The following SYDE1 variants were observed in gnomAD, a reference collection of about 807,000 sequenced individuals.
SYDE1 encodes the protein synapse defective Rho GTPase activating protein 1.
SYDE1 carries 34 observed loss-of-function variants against 63.3 expected under a neutral mutation model. That is an observed-to-expected ratio of 0.54 (90% CI 0.41 to 0.71). The LOEUF (loss-of-function observed/expected upper bound fraction) is 0.71. SYDE1 is among the 30% of genes least tolerant of loss of function. The pLI is 0.00. For missense variants in SYDE1, 925 were observed against 1,042.5 expected, an observed-to-expected ratio of 0.89 and a Z score of 1.55; for synonymous variants, 467 against 473.4, an observed-to-expected ratio of 0.99 and a Z score of 0.18.
At chr19:15,107,568 C>T (rs1248553407) in intron 1 of SYDE1, 47 bp downstream of exon 1, 1 of 1,451,876 alleles carries the variant, frequency 6.9e-7, no homozygotes. Flanking sequence ...CCCCACCCGG[C>T]CTGGGAGCGG....
At position 15,109,102 on chromosome 19, in the gene SYDE1, C is replaced by G. The variant is rs533657977; in HGVS notation, c.135C>G (p.Pro45=). Residue 45 remains proline, a synonymous_variant, in exon 2 of 8, where the codon CCC becomes CCG. Coordinates refer to ENST00000342784, the MANE Select transcript of SYDE1 (RefSeq NM_033025.6). This position sits in a 1 kb window ranked among gnomAD's most constrained non-coding sequence, Gnocchi z 5.0. ...RPEPSPPEPE[P]QAPEGSQAGA... Reference sequence around the variant, plus strand: ...AGCCCAGCCCTCCAGAGCCAGAGCCCCAGGCTCCCGAAGGGTCCCAGGCCG... The same window carrying G: ...AGCCCAGCCCTCCAGAGCCAGAGCCGCAGGCTCCCGAAGGGTCCCAGGCCG... 3.2e-6 allele frequency: 5 copies of G among 1,539,010 alleles called. No individual in the cohort carries two copies. Among genetic ancestry groups the G allele is most frequent in the Non-Finnish European group, 1.7e-6 (2 of 1,143,274 alleles).
Position 15,109,874 on chromosome 19 carries a change from A to G in SYDE1, c.601A>G (p.Ile201Val). 2 of 1,521,442 alleles carry G rather than the reference A, an allele frequency of 1.3e-6. No individual in the cohort carries two copies. The highest frequency in any genetic ancestry group is 1.4e-5 in the African/African-American group (1 of 72,058). 94.2% of individuals were successfully genotyped at this position (1,521,442 alleles called of 1,614,324 possible). Residue 201 changes from isoleucine to valine, a missense_variant, in exon 3 of 8, where the codon ATC becomes GTC. Physicochemically the swap from Ile to Val is conservative, Grantham distance 29 (BLOSUM62 3). Around this residue, in one of 3 missense-constraint regions of SYDE1, gnomAD observed 599 missense variants for 653.7 expected, o/e 0.92. Transcript: ENST00000342784. This position sits in a 1 kb window ranked among gnomAD's most constrained non-coding sequence, Gnocchi z 5.0. ...RERAAPAGSV[I>V]SRYHLDSSVG... Reference sequence around the variant, plus strand: ...GAGGGCTGCCCCTGCGGGCTCCGTCATCAGCCGCTACCACCTGGACAGCAG... The same window carrying G: ...GAGGGCTGCCCCTGCGGGCTCCGTCGTCAGCCGCTACCACCTGGACAGCAG...
chr19:15,113,600 C>T lies in SYDE1; in HGVS notation c.1845C>T (p.Tyr615=). 6.3e-7 allele frequency: 1 copy of T among 1,593,412 alleles called. No individual in the cohort carries two copies. The highest frequency in any genetic ancestry group is 8.6e-7 in the Non-Finnish European group (1 of 1,168,578). ...GACAATCTCCAGATGTCGCGCCTTACTTGCGACCCAAACGACAGCCACCTC... is the reference window on the plus strand; with the variant it reads ...GACAATCTCCAGATGTCGCGCCTTATTTGCGACCCAAACGACAGCCACCTC... ...LPRQSPDVAP[Y]LRPKRQPPLH... is the part of the protein sequence containing the mutation. Residue 615 remains tyrosine, a synonymous_variant, in exon 8 of 8, where the codon TAC becomes TAT. Coordinates refer to ENST00000342784, the MANE Select transcript of SYDE1 (RefSeq NM_033025.6).
rs2046368305 is a variant in SYDE1, at chr19:15,114,311, C to A, written c.*348C>A. 2 of 299,878 alleles carry A rather than the reference C, an allele frequency of 6.7e-6. No individual in the cohort carries two copies. 18.6% of individuals were successfully genotyped at this position (299,878 alleles called of 1,614,324 possible). On this transcript the variant is annotated 3_prime_UTR_variant, in exon 8 of 8. Transcript: ENST00000342784. ...CCCTTGGCCGGGGCAACACCAGTTACTGTGAGCATCACCCTGGTGTGGTGA... is the reference window on the plus strand; with the variant it reads ...CCCTTGGCCGGGGCAACACCAGTTAATGTGAGCATCACCCTGGTGTGGTGA...
rs1486804729 is a variant in SYDE1 at position 15,109,764 on chromosome 19, G to A, written c.491G>A (p.Arg164Lys). 6.5e-7 allele frequency: 1 copy of A among 1,538,636 alleles called. No individual in the cohort carries two copies. The change falls in exon 3 of 8, where the codon AGG becomes AAG. Residue 164 changes from arginine (R) to lysine (K), a missense_variant. Arg to Lys is a conservative substitution (Grantham distance 26, BLOSUM62 2). This residue lies in a region of SYDE1 where 599 missense variants were observed against 653.7 expected (regional missense o/e 0.92). Transcript: ENST00000342784. This position sits in a 1 kb window ranked among gnomAD's most constrained non-coding sequence, Gnocchi z 5.0. ...ASRTKSPGPA[R>K]RLSIKMKKLP... ...CGCACCAAGTCCCCGGGCCCCGCCA[G>A]GCGCCTCTCCATAAAGATGAAGAAG...
At position 15,110,721 on chromosome 19, in the gene SYDE1, C is replaced by T. The variant is rs778013688; in HGVS notation, c.1276C>T (p.Arg426Cys). ...CCAGAAGTGCGTTGGGCAGATCGAGCGCCGAGGGCTGCGGGTGAGCACCCA... is the reference window on the plus strand; with the variant it reads ...CCAGAAGTGCGTTGGGCAGATCGAGTGCCGAGGGCTGCGGGTGAGCACCCA... ...IIQKCVGQIE[R>C]RGLRVVGLYR... Residue 426 changes from arginine (R) to cysteine (C), a missense_variant, in exon 4 of 8, where the codon CGC becomes TGC. Physicochemically the swap from Arg to Cys is radical, Grantham distance 180. Transcript: ENST00000342784. The surrounding 1 kb of genome is among the most constrained non-coding windows in gnomAD (Gnocchi z 6.9). The T allele has an allele frequency of 1.4e-5, 22 of 1,559,682 alleles. No homozygotes were observed. The highest frequency in any genetic ancestry group is 4.1e-5 in the African/African-American group (3 of 73,744).
At position 15,108,366 on chromosome 19, in the gene SYDE1, C is replaced by T. The variant is rs1402205517; in HGVS notation, c.89-690C>T. Among the ~76,000 whole-genome samples, 1 of 152,078 alleles carries T rather than the reference C, an allele frequency of 6.6e-6. No individual in the cohort carries two copies. Among genetic ancestry groups the T allele is most frequent in the Non-Finnish European group, 1.5e-5 (1 of 68,030 alleles). ...AGAGATGCCCAAACACAAACACACA[C>T]AGGAAACAGCCCAGGACATGAGACA... is the stretch of plus-strand genomic sequence containing the variant. On this transcript the variant is annotated intron_variant, in intron 1 of 7. Coordinates refer to ENST00000342784, the MANE Select transcript of SYDE1 (RefSeq NM_033025.6). The surrounding 1 kb of genome is among the most constrained non-coding windows in gnomAD (Gnocchi z 4.3).
chr19:15,110,183 G>A lies in SYDE1; in HGVS notation c.910G>A (p.Gly304Arg). Residue 304 changes from glycine to arginine, a missense_variant, in exon 3 of 8, where the codon GGG becomes AGG. This residue lies in a region of SYDE1 where 599 missense variants were observed against 653.7 expected (regional missense o/e 0.92). Transcript: ENST00000342784. This position sits in a 1 kb window ranked among gnomAD's most constrained non-coding sequence, Gnocchi z 6.9. ...GGATGGGGAGGCCAGGGCCCGAACAGGGCCACTGCGAGGGGGGCCGGACTT... is the reference window on the plus strand; with the variant it reads ...GGATGGGGAGGCCAGGGCCCGAACAAGGCCACTGCGAGGGGGGCCGGACTT... Reference protein sequence around the residue: ...QVDGEARARTGPLRGGPDFLR... With the variant: ...QVDGEARARTRPLRGGPDFLR... The A allele has an allele frequency of 7.1e-7, 1 of 1,414,180 alleles. No individual in the cohort carries two copies. Among genetic ancestry groups the A allele is most frequent in the Non-Finnish European group, 9.2e-7 (1 of 1,087,464 alleles). The allele number at this position is 1,414,180 out of a possible 1,614,324, so 87.6% of individuals were successfully genotyped here. A position where few individuals can be genotyped will look rare whatever the true frequency, so the allele number is the denominator to read the frequency against.
Position 15,113,573 on chromosome 19 carries a change from C to T in SYDE1, c.1818C>T (p.Pro606=). The T allele has an allele frequency of 6.4e-7, 1 of 1,560,454 alleles. No homozygotes were observed. The highest frequency in any genetic ancestry group is 8.7e-7 in the Non-Finnish European group (1 of 1,152,082). Residue 606 remains proline (P), a synonymous_variant, in exon 8 of 8, where the codon CCC becomes CCT. Coordinates refer to ENST00000342784, the MANE Select transcript of SYDE1 (RefSeq NM_033025.6). Reference sequence around the variant, plus strand: ...GTCTCCCTTCAGATCCCCGCCTGCCCCGACAATCTCCAGATGTCGCGCCTT... The same window carrying T: ...GTCTCCCTTCAGATCCCCGCCTGCCTCGACAATCTCCAGATGTCGCGCCTT... ...LLQSWPDPRL[P]RQSPDVAPYL...
At chr19:15,112,270 C>A in intron 6 of SYDE1, 76 bp from the exon 7 acceptor site, 1 of 970,752 alleles carries the variant, frequency 1.0e-6, no homozygotes, top group Non-Finnish European at 1.6e-6. Context: ...CCTACTCTAG[C>A]CACCTTAGTC....
Position 15,111,571 on chromosome 19 carries a change from G to T in SYDE1, c.1418-61G>T. Reference sequence around the variant, plus strand: ...ACCCACCTCCTCTTCCCCCTTAGCTGTGCCCTCCTTAGCCTTAGAAGCCAG... The same window carrying T: ...ACCCACCTCCTCTTCCCCCTTAGCTTTGCCCTCCTTAGCCTTAGAAGCCAG... On this transcript the variant is annotated intron_variant, in intron 5 of 7. Transcript: ENST00000342784. The surrounding 1 kb of genome is among the most constrained non-coding windows in gnomAD (Gnocchi z 5.5). 1 of 1,606,888 alleles carries T rather than the reference G, an allele frequency of 6.2e-7. No individual in the cohort carries two copies. Among genetic ancestry groups the T allele is most frequent in the South Asian group, 1.1e-5 (1 of 90,332 alleles).
Position 15,110,167 on chromosome 19 carries a change from G to A in SYDE1, c.894G>A (p.Glu298=). 5.0e-6 allele frequency: 7 copies of A among 1,407,966 alleles called. No individual in the cohort carries two copies. The highest frequency in any genetic ancestry group is 6.5e-6 in the Non-Finnish European group (7 of 1,085,218). The allele number at this position is 1,407,966 out of a possible 1,614,324, so 87.2% of individuals were successfully genotyped here. The change falls in exon 3 of 8, where the codon GAG becomes GAA. Residue 298 remains glutamate, a synonymous_variant. Transcript: ENST00000342784. The surrounding 1 kb of genome is among the most constrained non-coding windows in gnomAD (Gnocchi z 6.9). ...GCTGCCTACTGCAAGTGGATGGGGA[G>A]GCCAGGGCCCGAACAGGGCCACTGC... is the stretch of plus-strand genomic sequence containing the variant. ...DLCCLLQVDG[E]ARARTGPLRG...
In SYDE1 at chr19:15,111,177, T is replaced by C. The variant is rs565083020; in HGVS notation, c.1291-136T>C. The C allele has an allele frequency of 2.0e-4, 181 of 898,014 alleles. 1 individual carries two copies. In the South Asian group the frequency reaches 2.9e-3, roughly 15 times the overall value. 55.6% of individuals were successfully genotyped at this position (898,014 alleles called of 1,614,324 possible). On this transcript the variant is annotated intron_variant, in intron 4 of 7. Coordinates refer to ENST00000342784, the MANE Select transcript of SYDE1 (RefSeq NM_033025.6). This position sits in a 1 kb window ranked among gnomAD's most constrained non-coding sequence, Gnocchi z 5.5. ...CAAGCAGAGGGTTTACAAGGCCAGG[T>C]TGTCAAGGTAGTTCCAACCTCCCAG...
rs2046365509 is a variant in SYDE1 at position 15,113,960 on chromosome 19, C to A, written c.2205C>A (p.Leu735=). The A allele has an allele frequency of 6.2e-7, 1 of 1,609,420 alleles. No individual in the cohort carries two copies. The highest frequency in any genetic ancestry group is 8.5e-7 in the Non-Finnish European group (1 of 1,176,720). The change falls in exon 8 of 8, where the codon CTC becomes CTA. Residue 735 remains leucine, a synonymous_variant. Transcript: ENST00000342784. ...RELSKQINVC[L] ...TCTCCAAGCAAATCAACGTGTGCCT[C>A]TGAGCCAGATGACGGGGTGGGACCC...
rs1475774504 is a variant in SYDE1, at chr19:15,108,102, C to CTTAAACA, written c.88+582_88+588dup. ...TGGGTCATGTGCCCAGGGCCATCGA[C>CTTAAACA]TTAAACAGCTCTTTGGACTATGCTA... On this transcript the variant is annotated intron_variant, in intron 1 of 7. Transcript: ENST00000342784. This position sits in a 1 kb window ranked among gnomAD's most constrained non-coding sequence, Gnocchi z 4.3. Among the ~76,000 whole-genome samples the CTTAAACA allele has an allele frequency of 6.6e-6, 1 of 152,170 alleles. No homozygotes were observed. Among genetic ancestry groups the CTTAAACA allele is most frequent in the African/African-American group, 2.4e-5 (1 of 41,424 alleles).
Position 15,109,285 on chromosome 19 carries a change from C to A in SYDE1, c.318C>A (p.Pro106=), listed in dbSNP as rs116051716. The change falls in exon 2 of 8, where the codon CCC becomes CCA. Residue 106 remains proline, a synonymous_variant. Transcript: ENST00000342784. The surrounding 1 kb of genome is among the most constrained non-coding windows in gnomAD (Gnocchi z 5.0). ...CTGGGGTACCTGGCACTGGGGAGCC[C>A]GCCGGCGAGATCTGGTACAACCCCA... ...LGPGVPGTGE[P]AGEIWYNPIP... 2.5e-6 allele frequency: 4 copies of A among 1,612,962 alleles called. No homozygotes were observed. Among genetic ancestry groups the A allele is most frequent in the Non-Finnish European group, 3.4e-6 (4 of 1,179,572 alleles).
chr19:15,110,865 A>G lies in SYDE1; in HGVS notation c.1290+130A>G. ...TCCTAGCTCCAATCCCAACCTAGAC[A>G]AGGGCAGAAGGCGCCCCCTTGACTG... is the stretch of plus-strand genomic sequence containing the variant. On this transcript the variant is annotated intron_variant, in intron 4 of 7. Transcript: ENST00000342784. This position sits in a 1 kb window ranked among gnomAD's most constrained non-coding sequence, Gnocchi z 6.9. 1.3e-6 allele frequency: 1 copy of G among 791,172 alleles called. No homozygotes were observed. Among genetic ancestry groups the G allele is most frequent in the Non-Finnish European group, 1.9e-6 (1 of 515,200 alleles). 49.0% of individuals were successfully genotyped at this position (791,172 alleles called of 1,614,324 possible). A position where few individuals can be genotyped will look rare whatever the true frequency, so the allele number is the denominator to read the frequency against.
Position 15,114,127 on chromosome 19 carries a change from A to T in SYDE1, c.*164A>T, listed in dbSNP as rs1269090040. The stretch of plus-strand genomic sequence containing the variant: ...GCGTGTATGGCTGAGACTCATTCCC[A>T]GTTTCCAGGGCCCGGTATTTGGACA... On this transcript the variant is annotated 3_prime_UTR_variant, in exon 8 of 8. Coordinates refer to ENST00000342784, the MANE Select transcript of SYDE1 (RefSeq NM_033025.6). 2 of 676,776 alleles carry T rather than the reference A, an allele frequency of 3.0e-6. No homozygotes were observed. Among genetic ancestry groups the T allele is most frequent in the Non-Finnish European group, 4.9e-6 (2 of 405,718 alleles). The allele number at this position is 676,776 out of a possible 1,614,324, so 41.9% of individuals were successfully genotyped here. A position where few individuals can be genotyped will look rare whatever the true frequency, so the allele number is the denominator to read the frequency against.
chr19:15,110,625 C>A lies in SYDE1; in HGVS notation c.1180C>A (p.Arg394Ser). ...QQEAPATAEP[R>S]VFGLPLPLLV... is the part of the protein sequence containing the mutation. ...GGAAGCCCCTGCCACAGCTGAGCCC[C>A]GCGTCTTTGGGCTGCCCCTGCCACT... The change falls in exon 4 of 8, where the codon CGC (arginine) becomes AGC (serine). Residue 394 changes from arginine (R) to serine (S), a missense_variant. Arg to Ser is a moderately radical substitution (Grantham distance 110). Transcript: ENST00000342784. The surrounding 1 kb of genome is among the most constrained non-coding windows in gnomAD (Gnocchi z 6.9). The A allele has an allele frequency of 6.3e-7, 1 of 1,591,238 alleles. No individual in the cohort carries two copies. Among genetic ancestry groups the A allele is most frequent in the East Asian group, 2.3e-5 (1 of 43,594 alleles).
Sources: allele counts gnomAD v4.1 joint callset (sites outside exome capture counted in the v4.1 genomes callset), GRCh38; gene constraint gnomAD v4.1.1; regional missense constraint gnomAD v4.1.1; non-coding constraint Gnocchi (gnomAD v3.1); transcripts MANE v1.5; gene names NCBI Gene and HGNC (gene_info 2026-07-23, HGNC 2026-07-21).